GDAP1: variants seen among roughly 807,000 people sequenced by gnomAD.
GDAP1 encodes the protein ganglioside-induced differentiation-associated protein 1.
In GDAP1, 34 loss-of-function variants were observed where a neutral mutation model predicts 40.1. The ratio of observed to expected loss-of-function variants is 0.85; its 90% CI spans 0.64 to 1.13. The LOEUF is 1.13. Ranked by LOEUF, GDAP1 falls within the 50% of genes most tolerant of loss-of-function variation. The probability of loss-of-function intolerance (pLI) is 0.00; values close to 1 mark genes in which losing one functional copy is unlikely to be tolerated. For synonymous variants in GDAP1, 170 were observed against 157.4 expected (o/e 1.08, Z -0.60); for missense variants, 374 against 433.7 (o/e 0.86, Z 1.22).
At chr8:74,400,633 G>T (rs1192118760) in intron 2 of GDAP1, among the ~76,000 whole-genome samples, 1 of 149,960 alleles carries the variant, frequency 6.7e-6, no homozygotes, top group Non-Finnish European at 1.5e-5. Flanking sequence ...AGTTGATGCA[G>T]TTTCTTCCTA....
At chr8:74,445,595 A>G (rs1202027102) in intron 2 of GDAP1, among the ~76,000 whole-genome samples, 1 of 152,166 alleles carries the variant, frequency 6.6e-6, no homozygotes, top group Non-Finnish European at 1.5e-5. Flanking sequence ...TGTATATGCA[A>G]TCAGTTTTCC....
intron 2 of GDAP1, among the ~76,000 whole-genome samples, chr8:74,472,827 A>G (rs1444874005): frequency 2.6e-5 from 4 of 151,244 alleles, no homozygotes; most frequent in Non-Finnish European, 5.9e-5. Context: ...TCTTGATTGT[A>G]ACTTCTGCCT....
chr8:74,441,560 G>A (rs1806162720), intron 2 of GDAP1, among the ~76,000 whole-genome samples: 1 of 152,028 alleles, frequency 6.6e-6, no homozygotes, highest in African/African-American at 2.4e-5. Flanking sequence ...TAATGAGATA[G>A]GGCTTACTAT....
intron 2 of GDAP1, among the ~76,000 whole-genome samples, chr8:74,485,752 C>G (rs1200247356): frequency 6.6e-6 from 1 of 151,652 alleles, no homozygotes; most frequent in Non-Finnish European, 1.5e-5. Flanking sequence ...TTTTGTGCCC[C>G]ACTGAGGAAA....
At chr8:74,470,786 G>A (rs1380625597) in intron 2 of GDAP1, among the ~76,000 whole-genome samples, 2 of 152,182 alleles carry the variant, frequency 1.3e-5, no homozygotes, top group Non-Finnish European at 2.9e-5. Context: ...GGATGGCTGG[G>A]TCAAATGGTA....
intron 2 of GDAP1, among the ~76,000 whole-genome samples, chr8:74,438,132 T>C (rs1157657789): frequency 6.6e-6 from 1 of 152,102 alleles, no homozygotes; most frequent in Non-Finnish European, 1.5e-5. Flanking sequence ...TAGTTGGGCA[T>C]GGTGGCGCGC....
intron 2 of GDAP1, among the ~76,000 whole-genome samples, chr8:74,481,105 A>C (rs1033998188): frequency 3.6e-4 from 55 of 152,366 alleles, no homozygotes; most frequent in Non-Finnish European, 2.2e-4. Flanking sequence ...TACCATTTTC[A>C]TTTAACAGTT....
intron 2 of GDAP1, among the ~76,000 whole-genome samples, chr8:74,388,032 A>AT (rs1477821313): frequency 2.0e-5 from 3 of 152,030 alleles, no homozygotes; most frequent in Non-Finnish European, 2.9e-5. Flanking sequence ...CCTCTTTATC[A>AT]TTTTTTATTG....
intron 2 of GDAP1, among the ~76,000 whole-genome samples, chr8:74,396,294 A>G (rs939580043): frequency 3.3e-5 from 5 of 151,878 alleles, no homozygotes; most frequent in African/African-American, 1.2e-4. Flanking sequence ...TTATTTTATA[A>G]AAATAAAAAG....
At chr8:74,402,211 T>C (rs1810355949) in intron 2 of GDAP1, among the ~76,000 whole-genome samples, 1 of 150,468 alleles carries the variant, frequency 6.6e-6, no homozygotes, top group African/African-American at 2.5e-5. Context: ...CTCCACCCAA[T>C]TGGAGCTTCC....
downstream of GDAP1, among the ~76,000 whole-genome samples, chr8:74,370,389 CAG>C (rs1281741489): frequency 6.6e-6 from 1 of 152,120 alleles, no homozygotes. Context: ...AGTGTGAGGA[CAG>C]ATGTGCCAAA....
intron 2 of GDAP1, among the ~76,000 whole-genome samples, chr8:74,395,363 C>T (rs1810178299): frequency 6.6e-6 from 1 of 152,132 alleles, no homozygotes; most frequent in Non-Finnish European, 1.5e-5. Context: ...GGATATTAAA[C>T]ACCTGGATAT....
At chr8:74,419,638 C>T (rs114712267) in intron 2 of GDAP1, among the ~76,000 whole-genome samples, 1 of 152,038 alleles carries the variant, frequency 6.6e-6, no homozygotes, top group Non-Finnish European at 1.5e-5. Flanking sequence ...TTGATAATGT[C>T]TTTTAATAGA....
In GDAP1 at chr8:74,364,331, G is replaced by A; in HGVS notation, c.1041G>A (p.Met347Ile). 6.2e-7 allele frequency: 1 copy of A among 1,614,058 alleles called. No individual in the cohort carries two copies. Among genetic ancestry groups the A allele is most frequent in the South Asian group, 1.1e-5 (1 of 91,068 alleles). ...TTTTCAGAAAGAGGCTTGGCAGCAT[G>A]ATATTAGCATTTAGACCCAGACCAA... ...FMLFRKRLGS[M>I]ILAFRPRPNY... The change falls in exon 6 of 6, where the codon ATG (methionine) becomes ATA (isoleucine). Residue 347 changes from methionine (M) to isoleucine (I), a missense_variant. Coordinates refer to ENST00000220822, the MANE Select transcript of GDAP1 (RefSeq NM_018972.4).
At chr8:74,485,185 A>T (rs186925977) in intron 2 of GDAP1, among the ~76,000 whole-genome samples, 1 of 152,282 alleles carries the variant, frequency 6.6e-6, no homozygotes, top group East Asian at 1.9e-4. Context: ...GTTATTAAAA[A>T]CTGACAACAA....
At chr8:74,428,493 G>A (rs554088236) in intron 2 of GDAP1, among the ~76,000 whole-genome samples, 139 of 150,292 alleles carry the variant, frequency 9.2e-4, no homozygotes, top group African/African-American at 2.9e-3. Context: ...CTTTTGAGAC[G>A]GAGTCTTGCT....
chr8:74,435,915 A>G (rs193061456), intron 2 of GDAP1, among the ~76,000 whole-genome samples: 41 of 152,370 alleles, frequency 2.7e-4, no homozygotes, highest in African/African-American at 9.1e-4. Context: ...TTGTAGCTCA[A>G]TATTAGCACA....
At chr8:74,475,633 C>T (rs1350530707) in intron 2 of GDAP1, among the ~76,000 whole-genome samples, 1 of 151,982 alleles carries the variant, frequency 6.6e-6, no homozygotes, top group Admixed American at 6.6e-5. Flanking sequence ...TTTTATTGCC[C>T]TGTGGTCTGA....
intron 2 of GDAP1, among the ~76,000 whole-genome samples, chr8:74,428,762 A>G (rs1805987113): frequency 6.7e-6 from 1 of 149,498 alleles, no homozygotes; most frequent in African/African-American, 2.5e-5. Context: ...GATTACAGAC[A>G]TGAGCCACCC....
Sources: allele counts gnomAD v4.1 joint callset (sites outside exome capture counted in the v4.1 genomes callset), GRCh38; gene constraint gnomAD v4.1.1; transcripts MANE v1.5; gene names NCBI Gene and HGNC (gene_info 2026-07-23, HGNC 2026-07-21).